The following POTEE variants were observed in gnomAD, a reference collection of about 807,000 sequenced individuals.
POTEE encodes the protein POTE ankyrin domain family member E, also known as ANKRD26-like family C member 1A.
In POTEE, 21 loss-of-function variants were observed where a neutral mutation model predicts 74.2. The ratio of observed to expected loss-of-function variants is 0.28; its 90% CI spans 0.20 to 0.41. The LOEUF (loss-of-function observed/expected upper bound fraction) is 0.41, where lower values mean the gene tolerates loss of function less well. Among genes scored for constraint, POTEE ranks in the 10% least tolerant of loss-of-function variants. The pLI is 1.00. For synonymous variants in POTEE, 211 were observed against 432.8 expected (o/e 0.49, Z 6.36); for missense variants, 525 against 1,158.6 (o/e 0.45, Z 7.94).
At chr2:131,235,340 C>A (rs921343920) in intron 9 of POTEE, among the ~76,000 whole-genome samples, 1 of 152,088 alleles carries the variant, frequency 6.6e-6, no homozygotes, top group African/African-American at 2.4e-5. Flanking sequence ...AGTCTTGGAG[C>A]AGACGGGACA....
chr2:131,237,929 T>C (rs1441155566), intron 10 of POTEE, among the ~76,000 whole-genome samples: 1 of 152,396 alleles, frequency 6.6e-6, no homozygotes, highest in East Asian at 1.9e-4. Flanking sequence ...ACGTTTTTTT[T>C]CTTCCTTGGG....
In POTEE at chr2:131,263,532, G is replaced by A. The variant is rs1423103556; in HGVS notation, c.2077G>A (p.Ala693Thr). 1 of 1,607,344 alleles carries A rather than the reference G, an allele frequency of 6.2e-7. No homozygotes were observed. The highest frequency in any genetic ancestry group is 8.5e-7 in the Non-Finnish European group (1 of 1,177,448). Reference protein sequence around the residue: ...VKKKNDNLLKALQLNELTMDD... With the variant: ...VKKKNDNLLKTLQLNELTMDD... ...AAAAAAGAATGATAATCTTTTAAAGGCTCTACAATTGAATGAGCTCACCAT... is the reference window on the plus strand; with the variant it reads ...AAAAAAGAATGATAATCTTTTAAAGACTCTACAATTGAATGAGCTCACCAT... Residue 693 changes from alanine (A) to threonine (T), a missense_variant, in exon 18 of 18, where the codon GCT becomes ACT. Transcript: ENST00000683005.
At chr2:131,220,942 T>C in intron 4 of POTEE, among the ~76,000 whole-genome samples, 1 of 126,014 alleles carries the variant, frequency 7.9e-6, no homozygotes, top group Non-Finnish European at 1.6e-5. Flanking sequence ...GCCTGGGTGA[T>C]AGAGTGAGAC....
intron 8 of POTEE, among the ~76,000 whole-genome samples, chr2:131,230,222 A>G (rs1463202044): frequency 6.6e-6 from 1 of 152,212 alleles, no homozygotes; most frequent in Non-Finnish European, 1.5e-5. Flanking sequence ...GCCCTGAATT[A>G]TAAGCCATAA....
intron 2 of POTEE, among the ~76,000 whole-genome samples, chr2:131,216,422 C>T (rs1378211469): frequency 6.6e-6 from 1 of 152,176 alleles, no homozygotes; most frequent in African/African-American, 2.4e-5. Flanking sequence ...CATCAGACTA[C>T]CTAATCTTTG....
Position 131,223,953 on chromosome 2 carries a change from T to TA in POTEE, c.721dup (p.Thr241AsnfsTer9). ...CAAATATTCCAGATGAGTATGGAAA[T>TA]ACCACTCTGCACTACGCTATCTATA... On this transcript the variant is annotated frameshift_variant, in exon 6 of 18. Coordinates refer to ENST00000683005, the MANE Select transcript of POTEE (RefSeq NM_001083538.3). LOFTEE classifies it high-confidence loss of function. 6.6e-7 allele frequency: 1 copy of TA among 1,522,266 alleles called. No homozygotes were observed. The highest frequency in any genetic ancestry group is 1.4e-5 in the African/African-American group (1 of 70,436). The allele number at this position is 1,522,266 out of a possible 1,614,324, so 94.3% of individuals were successfully genotyped here. A position where few individuals can be genotyped will look rare whatever the true frequency, so the allele number is the denominator to read the frequency against.
intron 17 of POTEE, 37 bp from the exon 18 acceptor site, chr2:131,263,318 A>T: frequency 6.3e-7 from 1 of 1,593,212 alleles, no homozygotes; most frequent in Non-Finnish European, 8.5e-7. Flanking sequence ...ATGTCAATCT[A>T]TTGAGTGCTA....
At position 131,236,274 on chromosome 2, in the gene POTEE, G is replaced by C. The variant is rs1701130848; in HGVS notation, c.1127-458G>C. 2.0e-5 allele frequency among the ~76,000 whole-genome samples: 3 copies of C among 152,110 alleles called. No individual in the cohort carries two copies. The South Asian group carries it at 6.2e-4, about 31-fold the overall frequency. On this transcript the variant is annotated intron_variant, in intron 9 of 17. Coordinates refer to ENST00000683005, the MANE Select transcript of POTEE (RefSeq NM_001083538.3). ...TTAACCTTGCTCTGGGATGTCTGGA[G>C]CCCATACCTGTGGGCTCTAGCTTCT...
At chr2:131,214,706 A>T (rs1450426295) in intron 2 of POTEE, among the ~76,000 whole-genome samples, 1 of 152,162 alleles carries the variant, frequency 6.6e-6, no homozygotes, top group African/African-American at 2.4e-5. Flanking sequence ...TAAAATAAAA[A>T]TATCTTCAAA....
rs544105795 is a variant in POTEE at position 131,212,178 on chromosome 2, A to G, written c.-189+995A>G. On this transcript the variant is annotated intron_variant, in intron 2 of 17. Transcript: ENST00000683005. ...CTTTACTATGTTTTAGGGATGAGGA[A>G]AAAAATCAGTTGTATAATTAGTTAC... 3.4e-3 allele frequency among the ~76,000 whole-genome samples: 521 copies of G among 152,092 alleles called. 3 individuals carry two copies. Among genetic ancestry groups the G allele is most frequent in the African/African-American group, 0.012 (508 of 41,502 alleles).
chr2:131,231,534 AC>A (rs1700959135), intron 9 of POTEE, among the ~76,000 whole-genome samples: 1 of 152,112 alleles, frequency 6.6e-6, no homozygotes, highest in Non-Finnish European at 1.5e-5. Flanking sequence ...ACACTGAAGC[AC>A]AAGTCATGTT....
intron 13 of POTEE, among the ~76,000 whole-genome samples, chr2:131,248,927 T>G (rs1216657908): frequency 6.6e-6 from 1 of 152,266 alleles, no homozygotes; most frequent in African/African-American, 2.4e-5. Flanking sequence ...TGTTTTTCCC[T>G]CTTGCCGCCT....
chr2:131,211,271 G>T (rs1165273167), intron 2 of POTEE, among the ~76,000 whole-genome samples, 88 bp downstream of exon 2: 4 of 151,824 alleles, frequency 2.6e-5, no homozygotes, highest in Non-Finnish European at 5.9e-5. Flanking sequence ...ATTGGCATTG[G>T]TGCTAGTGGT....
intron 4 of POTEE, among the ~76,000 whole-genome samples, chr2:131,219,696 C>T (rs1305696285): frequency 6.6e-6 from 1 of 151,426 alleles, no homozygotes; most frequent in African/African-American, 2.4e-5. Flanking sequence ...GAGATAGTGC[C>T]ACCGCACTCC....
intron 10 of POTEE, among the ~76,000 whole-genome samples, chr2:131,237,614 A>T (rs1367330002): frequency 7.3e-5 from 11 of 151,516 alleles, no homozygotes; most frequent in Admixed American, 1.3e-4. Flanking sequence ...TGGATACATA[A>T]CACTATCATA....
intron 2 of POTEE, among the ~76,000 whole-genome samples, chr2:131,216,929 G>T (rs1223515353): frequency 1.1e-3 from 157 of 149,252 alleles, no homozygotes; most frequent in African/African-American, 3.9e-3. Flanking sequence ...AAGGAAGAAT[G>T]GGGAAAATAG....
chr2:131,211,541 G>GTGTGTGTGTGTGTGTGTGT (rs1700358185), intron 2 of POTEE, among the ~76,000 whole-genome samples: 2 of 7,552 alleles, frequency 2.6e-4, no homozygotes, highest in East Asian at 3.8e-3. Context: ...TGTGTGTGTG[G>GTGTGTGTGTGTGTGTGTGT]CTTTTTTTTT....
chr2:131,233,695 A>G (rs532479824), intron 9 of POTEE, among the ~76,000 whole-genome samples: 2 of 150,368 alleles, frequency 1.3e-5, no homozygotes, highest in East Asian at 3.9e-4. Flanking sequence ...TTTTTTTTAA[A>G]TAAAAGCCAT....
chr2:131,232,837 C>T (rs1418489371), intron 9 of POTEE, among the ~76,000 whole-genome samples: 1 of 151,814 alleles, frequency 6.6e-6, no homozygotes, highest in Non-Finnish European at 1.5e-5. Flanking sequence ...GTTCTCACAA[C>T]ACAACATCGC....
Sources: allele counts gnomAD v4.1 joint callset (sites outside exome capture counted in the v4.1 genomes callset), GRCh38; gene constraint gnomAD v4.1.1; transcripts MANE v1.5; gene names NCBI Gene and HGNC (gene_info 2026-07-23, HGNC 2026-07-21).